PLIN1: variants seen among roughly 807,000 people sequenced by gnomAD.
PLIN1 encodes the protein perilipin-1.
Under a neutral mutation model 45.8 loss-of-function variants are expected in PLIN1, and 37 were observed. That is an observed-to-expected ratio of 0.81 (90% CI 0.62 to 1.06). The LOEUF is 1.06. PLIN1 is among the 50% of genes least tolerant of loss of function. PLIN1 has a pLI of 0.00. For synonymous variants in PLIN1, 340 were observed against 309.2 expected (o/e 1.10, Z -1.05); for missense variants, 776 against 716.5 (o/e 1.08, Z -0.95).
chr15:89,666,835 G>C, intron 8 of PLIN1, 101 bp downstream of exon 8: 7 of 1,374,238 alleles, frequency 5.1e-6, no homozygotes, highest in Non-Finnish European at 7.2e-6. Flanking sequence ...CAGAGGAGTA[G>C]GGGAAAGGAG....
chr15:89,676,687 G>A (rs1964524593), intron 2 of PLIN1: 1 of 152,234 alleles, frequency 6.6e-6, no homozygotes, highest in Non-Finnish European at 1.5e-5. Flanking sequence ...GGAGGAAAGA[G>A]ATCCTGGGAA....
chr15:89,673,223 C>A lies in PLIN1; in HGVS notation c.237G>T (p.Arg79Ser). 3 of 1,566,704 alleles carry A rather than the reference C, an allele frequency of 1.9e-6. No individual in the cohort carries two copies. Among genetic ancestry groups the A allele is most frequent in the Non-Finnish European group, 2.6e-6 (3 of 1,155,078 alleles). Residue 79 changes from arginine to serine, a missense_variant, in exon 3 of 9, where the codon AGG becomes AGT. Coordinates refer to ENST00000300055, the MANE Select transcript of PLIN1 (RefSeq NM_002666.5). ...GCAAGGACTCACACTGGGTGGACAGCCTGCGGACCACCGGCTCCATGCTCC... is the reference window on the plus strand; with the variant it reads ...GCAAGGACTCACACTGGGTGGACAGACTGCGGACCACCGGCTCCATGCTCC... ...AAWSMEPVVR[R>S]LSTQFTAANE...
At chr15:89,667,477 A>G (rs1268640473) in intron 7 of PLIN1, 125 bp downstream of exon 7, 1 of 1,434,266 alleles carries the variant, frequency 7.0e-7, no homozygotes, top group Non-Finnish European at 9.8e-7. Context: ...GGGTGGGGTG[A>G]AGGGTGTTGC....
chr15:89,678,817 C>G (rs1045178635), intron 1 of PLIN1, among the ~76,000 whole-genome samples: 1 of 152,074 alleles, frequency 6.6e-6, no homozygotes, highest in East Asian at 1.9e-4. Flanking sequence ...CTCTATTTCT[C>G]TCTTTCTCTC....
At chr15:89,669,730 T>C (rs1964407822) in intron 5 of PLIN1, 58 bp from the exon 6 acceptor site, 2 of 1,532,098 alleles carry the variant, frequency 1.3e-6, no homozygotes, top group Middle Eastern at 1.7e-4. Flanking sequence ...GCCGGAGAGA[T>C]CTGGGTCATG....
chr15:89,666,709 G>C (rs1596038635), intron 8 of PLIN1, among the ~76,000 whole-genome samples: 1 of 152,114 alleles, frequency 6.6e-6, no homozygotes, highest in South Asian at 2.1e-4. Context: ...GGTGGGAGGG[G>C]CCGTGGGGAG....
chr15:89,670,135 G>T lies in PLIN1; in HGVS notation c.443C>A (p.Ala148Asp), dbSNP rs759935164. 2.3e-5 allele frequency: 37 copies of T among 1,614,172 alleles called. No individual in the cohort carries two copies. The highest frequency in any genetic ancestry group is 3.1e-5 in the Non-Finnish European group (37 of 1,180,030). Residue 148 changes from alanine (A) to aspartate (D), a missense_variant, in exon 5 of 9, where the codon GCC becomes GAC. Transcript: ENST00000300055. ...TSDKVLGAAL[A>D]GCELAWGVAR... ...CACCCCCCAGGCAAGCTCGCACCCGGCCAAAGCGGCCCCCAGGACCTTGTC... is the reference window on the plus strand; with the variant it reads ...CACCCCCCAGGCAAGCTCGCACCCGTCCAAAGCGGCCCCCAGGACCTTGTC...
chr15:89,676,529 G>C (rs958320048), intron 2 of PLIN1: 1 of 152,316 alleles, frequency 6.6e-6, no homozygotes, highest in African/African-American at 2.4e-5. Context: ...TTACAGGCGT[G>C]AGCCACTGCA....
At chr15:89,672,379 T>C (rs1424187710) in intron 3 of PLIN1, among the ~76,000 whole-genome samples, 1 of 152,178 alleles carries the variant, frequency 6.6e-6, no homozygotes, top group Non-Finnish European at 1.5e-5. Context: ...TTATTTTTCT[T>C]CACAAAATTC....
At chr15:89,671,384 AG>A (rs1964436993) in intron 4 of PLIN1, 97 bp downstream of exon 4, 1 of 884,008 alleles carries the variant, frequency 1.1e-6, no homozygotes, top group African/African-American at 1.7e-5. Flanking sequence ...CATGGGACAC[AG>A]ACTTCCAGTC....
rs1596038082 is a variant in PLIN1, at chr15:89,665,814, G to T, written c.1338C>A (p.Ala446=). Residue 446 remains alanine (A), a synonymous_variant, in exon 9 of 9, where the codon GCC becomes GCA. Coordinates refer to ENST00000300055, the MANE Select transcript of PLIN1 (RefSeq NM_002666.5). ...TGCGGCGGGGCTGTGCGAGACGCGG[G>T]GCGGGCTCCGGGCCGGCGGACGGCG... ...SGAPSAGPEP[A]PRLAQPRRSL... 7.3e-7 allele frequency: 1 copy of T among 1,377,760 alleles called. No homozygotes were observed. Among genetic ancestry groups the T allele is most frequent in the East Asian group, 3.1e-5 (1 of 32,186 alleles). The allele number at this position is 1,377,760 out of a possible 1,614,324, so 85.3% of individuals were successfully genotyped here.
At position 89,667,577 on chromosome 15, in the gene PLIN1, T is replaced by C. The variant is rs757736541; in HGVS notation, c.963+25A>G. ...CACCCCTTCTGTGGGCTGGGGGACC[T>C]TGAGGCTCCCACTCTCCCCCTCACC... On this transcript the variant is annotated intron_variant, in intron 7 of 8. Transcript: ENST00000300055. The C allele has an allele frequency of 6.8e-6, 11 of 1,614,024 alleles. No homozygotes were observed. In the South Asian group the frequency reaches 9.9e-5, roughly 14 times the overall value.
intron 8 of PLIN1, among the ~76,000 whole-genome samples, chr15:89,666,412 G>A (rs1471288070): frequency 8.5e-5 from 13 of 152,056 alleles, no homozygotes; most frequent in Admixed American, 7.9e-4. Flanking sequence ...GACCAGCCCC[G>A]CCCCCCAGGC....
chr15:89,675,419 C>A (rs1315891547), intron 2 of PLIN1, among the ~76,000 whole-genome samples: 1 of 102,972 alleles, frequency 9.7e-6, no homozygotes, highest in Non-Finnish European at 2.0e-5. Flanking sequence ...CCACTCTGAG[C>A]CACAAAAAAA....
chr15:89,664,628 C>T lies in PLIN1; in HGVS notation c.*955G>A, dbSNP rs866552031. The T allele has an allele frequency of 1.8e-5, 6 of 333,280 alleles. 1 individual carries two copies. The Middle Eastern group carries it at 3.3e-3, about 181-fold the overall frequency. 20.6% of individuals were successfully genotyped at this position (333,280 alleles called of 1,614,324 possible). A position where few individuals can be genotyped will look rare whatever the true frequency, so the allele number is the denominator to read the frequency against. ...CTTGTGTAAACACAAGCGGGGAGTG[C>T]ATACACACGTGCCTGCAGGTGCATA... is the stretch of plus-strand genomic sequence containing the variant. On this transcript the variant is annotated 3_prime_UTR_variant, in exon 9 of 9. Coordinates refer to ENST00000300055, the MANE Select transcript of PLIN1 (RefSeq NM_002666.5).
chr15:89,666,016 C>T, intron 8 of PLIN1, 74 bp from the exon 9 acceptor site: 1 of 1,177,818 alleles, frequency 8.5e-7, no homozygotes, highest in Non-Finnish European at 1.1e-6. Flanking sequence ...CGCCCCTTCC[C>T]GGGCCCCTCG....
Position 89,667,041 on chromosome 15 carries a change from T to C in PLIN1, c.1104A>G (p.Thr368=), listed in dbSNP as rs754952710. 9.3e-6 allele frequency: 15 copies of C among 1,613,906 alleles called. No individual in the cohort carries two copies. The highest frequency in any genetic ancestry group is 1.2e-5 in the Non-Finnish European group (14 of 1,179,976). The change falls in exon 8 of 9, where the codon ACA becomes ACG. Residue 368 remains threonine, a synonymous_variant. Transcript: ENST00000300055. ...TGGTTGAGGAGACAGCAGGGGCTGG[T>C]GTGAGGTGCAGCACCCTCCCTGCCA... is the stretch of plus-strand genomic sequence containing the variant. The part of the protein sequence containing the change: ...LGMAGRVLHL[T]PAPAVSSTKG...
At chr15:89,669,463 G>T in intron 6 of PLIN1, 37 bp downstream of exon 6, 1 of 1,587,186 alleles carries the variant, frequency 6.3e-7, no homozygotes, top group East Asian at 2.2e-5. Flanking sequence ...AGGGCTCCCA[G>T]GCACCGGGTC....
chr15:89,671,365 G>C (rs549772030), intron 4 of PLIN1, 117 bp downstream of exon 4: 6 of 741,628 alleles, frequency 8.1e-6, no homozygotes, highest in Non-Finnish European at 1.4e-5. Context: ...AGCCTTGGAG[G>C]GTGCTCACCA....
Sources: gnomAD v4.1 joint callset for allele counts (sites outside exome capture counted in the v4.1 genomes callset) on GRCh38, gnomAD v4.1.1 for gene constraint, MANE v1.5 for transcripts, NCBI Gene and HGNC (gene_info 2026-07-23, HGNC 2026-07-21) for gene names.